The following SLC41A1 variants were observed in gnomAD, a reference collection of about 807,000 sequenced individuals.
SLC41A1 encodes the protein solute carrier family 41 (magnesium transporter), member 1.
In SLC41A1, 20 loss-of-function variants were observed where a neutral mutation model predicts 47.3. The ratio of observed to expected loss-of-function variants is 0.42; its 90% confidence interval spans 0.30 to 0.61. The LOEUF is 0.61. SLC41A1 is among the 20% of genes least tolerant of loss of function. SLC41A1 has a pLI of 0.17. For missense variants in SLC41A1, 504 were observed against 674.1 expected, an observed-to-expected ratio of 0.75 and a Z score of 2.79; for synonymous variants, 282 against 272.7, an observed-to-expected ratio of 1.03 and a Z score of -0.34.
chr1:205,812,869 G>A lies in SLC41A1; in HGVS notation c.-708C>T. ...AGTGGCAGCGTGGCCCGTGGTCTCG[G>A]GGGGTGCAGGGCACCCCCTCTTCTC... On this transcript the variant is annotated 5_prime_UTR_variant, in exon 1 of 11. Coordinates refer to ENST00000367137, the MANE Select transcript of SLC41A1 (RefSeq NM_173854.6). 1.7e-5 allele frequency: 17 copies of A among 985,466 alleles called. No homozygotes were observed. The highest frequency in any genetic ancestry group is 2.0e-5 in the Non-Finnish European group (17 of 829,988). 61.0% of individuals were successfully genotyped at this position (985,466 alleles called of 1,614,324 possible). A position where few individuals can be genotyped will look rare whatever the true frequency, so the allele number is the denominator to read the frequency against.
intron 3 of SLC41A1, among the ~76,000 whole-genome samples, chr1:205,800,408 T>C (rs1655852043): frequency 6.6e-6 from 1 of 152,170 alleles, no homozygotes; most frequent in Non-Finnish European, 1.5e-5. Context: ...CAGGGCCCTG[T>C]ATCTGTTCAG....
At chr1:205,801,203 C>A in intron 2 of SLC41A1, 143 bp from the exon 3 acceptor site, 1 of 681,676 alleles carries the variant, frequency 1.5e-6, no homozygotes, top group South Asian at 1.6e-5. Flanking sequence ...CCTCCAAGAA[C>A]CTTGGAACCA....
rs138084368 is a variant in SLC41A1 at position 205,810,172 on chromosome 1, C to A, written c.270G>T (p.Pro90=). Residue 90 remains proline, a synonymous_variant, in exon 2 of 11, where the codon CCG becomes CCT. Transcript: ENST00000367137. This position sits in a 1 kb window ranked among gnomAD's most constrained non-coding sequence, Gnocchi z 5.5. ...CGATGGAAAAGGAGGTCTCCTTGAG[C>A]GGGGAAGGTGGCGCAGGGCCACGGT... The part of the protein sequence containing the change: ...STDRGPAPPS[P]LKETSFSIGL... 11 of 1,614,092 alleles carry A rather than the reference C, an allele frequency of 6.8e-6. No homozygotes were observed. The Admixed American group carries it at 1.7e-4, about 24-fold the overall frequency.
intron 2 of SLC41A1, among the ~76,000 whole-genome samples, chr1:205,808,202 C>T (rs1656060426): frequency 6.6e-6 from 1 of 152,126 alleles, no homozygotes; most frequent in Non-Finnish European, 1.5e-5. Flanking sequence ...GTGATCCGCC[C>T]GTCTTGACCT....
rs972413684 is a variant in SLC41A1 at position 205,810,790 on chromosome 1, G to A, written c.-349C>T. On this transcript the variant is annotated 5_prime_UTR_variant, in exon 2 of 11. Coordinates refer to ENST00000367137, the MANE Select transcript of SLC41A1 (RefSeq NM_173854.6). This position sits in a 1 kb window ranked among gnomAD's most constrained non-coding sequence, Gnocchi z 5.5. The stretch of plus-strand genomic sequence containing the variant: ...AGTGGCAGGCTCCTCAGAGCAGGGG[G>A]CATCCAGAGTAGAAGAGCTCAACCA... 3.4e-5 allele frequency: 12 copies of A among 350,514 alleles called. No homozygotes were observed. Among genetic ancestry groups the A allele is most frequent in the African/African-American group, 2.3e-4 (11 of 47,434 alleles). The allele number at this position is 350,514 out of a possible 1,614,324, so 21.7% of individuals were successfully genotyped here. A position where few individuals can be genotyped will look rare whatever the true frequency, so the allele number is the denominator to read the frequency against.
rs1406994133 is a variant in SLC41A1, at chr1:205,798,967, G to C, written c.687C>G (p.Ser229=). 1.9e-6 allele frequency: 3 copies of C among 1,614,144 alleles called. No individual in the cohort carries two copies. Among genetic ancestry groups the C allele is most frequent in the Non-Finnish European group, 2.5e-6 (3 of 1,180,024 alleles). Residue 229 remains serine, a synonymous_variant, in exon 5 of 11, where the codon TCC becomes TCG. Coordinates refer to ENST00000367137, the MANE Select transcript of SLC41A1 (RefSeq NM_173854.6). ...ASSVATAFIA[S]LVLGMIMIGV... ...CCCTCCCTTTCTTACCCAGTACCAG[G>C]GAGGCAATGAAGGCTGTGGCCACGC... is the stretch of plus-strand genomic sequence containing the variant.
rs1387556647 is a variant in SLC41A1, at chr1:205,810,991, T to C, written c.-550A>G. Reference sequence around the variant, plus strand: ...TGGTCCCAGCGCAGCGTCTGCCGTCTTTCCCTTCTCTTCCAGAAACTTCCT... The same window carrying C: ...TGGTCCCAGCGCAGCGTCTGCCGTCCTTCCCTTCTCTTCCAGAAACTTCCT... On this transcript the variant is annotated 5_prime_UTR_variant, in exon 2 of 11. Coordinates refer to ENST00000367137, the MANE Select transcript of SLC41A1 (RefSeq NM_173854.6). The surrounding 1 kb of genome is among the most constrained non-coding windows in gnomAD (Gnocchi z 5.5). The C allele has an allele frequency of 6.2e-6, 1 of 160,546 alleles. No homozygotes were observed. The highest frequency in any genetic ancestry group is 1.4e-5 in the Non-Finnish European group (1 of 72,890). 9.9% of individuals were successfully genotyped at this position (160,546 alleles called of 1,614,324 possible). A position where few individuals can be genotyped will look rare whatever the true frequency, so the allele number is the denominator to read the frequency against.
At chr1:205,795,893 T>C (rs930724425) in intron 8 of SLC41A1, 2 of 324,498 alleles carry the variant, frequency 6.2e-6, no homozygotes, top group Non-Finnish European at 1.2e-5. Context: ...TCCTCTCCAA[T>C]GCTCTGAGCA....
In SLC41A1 at chr1:205,795,408, G is replaced by C. The variant is rs780662255; in HGVS notation, c.1143C>G (p.Pro381=). Residue 381 remains proline, a synonymous_variant, in exon 9 of 11, where the codon CCC becomes CCG. Transcript: ENST00000367137. ...ISTFLHMNGM[P]GENSEQAPRR... ...GAGGAGCTTGCTCAGAGTTCTCTCCGGGCATTCCATTCATGTGCAGGAAGG... is the reference window on the plus strand; with the variant it reads ...GAGGAGCTTGCTCAGAGTTCTCTCCCGGCATTCCATTCATGTGCAGGAAGG... 1 of 1,614,046 alleles carries C rather than the reference G, an allele frequency of 6.2e-7. No homozygotes were observed. The highest frequency in any genetic ancestry group is 1.3e-5 in the African/African-American group (1 of 74,902).
intron 4 of SLC41A1, 71 bp from the exon 5 acceptor site, chr1:205,799,172 T>C (rs1655815182): frequency 1.9e-6 from 3 of 1,600,130 alleles, no homozygotes; most frequent in South Asian, 2.2e-5. Flanking sequence ...CATAAGCATC[T>C]GGGCAGACCT....
At chr1:205,798,850 G>A (rs1252176018) in intron 5 of SLC41A1, 35 bp from the exon 6 acceptor site, 4 of 1,614,086 alleles carry the variant, frequency 2.5e-6, no homozygotes, top group Non-Finnish European at 3.4e-6. Context: ...CAGGCAGGGT[G>A]AGAAGAGATA....
In SLC41A1 at chr1:205,801,360, G is replaced by C. The variant is rs1230940887; in HGVS notation, c.373-300C>G. Reference sequence around the variant, plus strand: ...TGGAGGTGGGTGGGGAAGGGTAATGGGGACCCACACAGCTGAGCTGCCCTG... The same window carrying C: ...TGGAGGTGGGTGGGGAAGGGTAATGCGGACCCACACAGCTGAGCTGCCCTG... On this transcript the variant is annotated intron_variant, in intron 2 of 10. Coordinates refer to ENST00000367137, the MANE Select transcript of SLC41A1 (RefSeq NM_173854.6). The C allele has an allele frequency of 1.0e-5, 4 of 388,812 alleles. No individual in the cohort carries two copies. The Admixed American group carries it at 1.5e-4, about 14-fold the overall frequency. The allele number at this position is 388,812 out of a possible 1,614,324, so 24.1% of individuals were successfully genotyped here. A position where few individuals can be genotyped will look rare whatever the true frequency, so the allele number is the denominator to read the frequency against.
At chr1:205,809,950 ACAGTATTCTAGGAAG>A (rs1407155277) in intron 2 of SLC41A1, 105 bp downstream of exon 2, 2 of 1,427,618 alleles carry the variant, frequency 1.4e-6, no homozygotes, top group African/African-American at 2.8e-5. Context: ...CCAAAGGAAA[ACAGTATTCTAGGAAG>A]CAGCAGCCAC....
intron 2 of SLC41A1, among the ~76,000 whole-genome samples, chr1:205,808,030 A>G (rs867878525): frequency 2.1e-4 from 32 of 150,854 alleles, no homozygotes; most frequent in Admixed American, 7.3e-4. Context: ...ATCTTGGCTC[A>G]TTGCAGCCTC....
Position 205,791,406 on chromosome 1 carries a change from G to A in SLC41A1, c.*127C>T, listed in dbSNP as rs1258598082. The A allele has an allele frequency of 2.6e-6, 3 of 1,169,160 alleles. No homozygotes were observed. Among genetic ancestry groups the A allele is most frequent in the Non-Finnish European group, 3.7e-6 (3 of 801,654 alleles). The allele number at this position is 1,169,160 out of a possible 1,614,324, so 72.4% of individuals were successfully genotyped here. On this transcript the variant is annotated 3_prime_UTR_variant, in exon 11 of 11. Transcript: ENST00000367137. The surrounding 1 kb of genome is among the most constrained non-coding windows in gnomAD (Gnocchi z 4.0). Reference sequence around the variant, plus strand: ...TATAAAAATTCCCATTGAAAATAATGAGAATTTGGTATCAAAGTGAAGTCC... The same window carrying A: ...TATAAAAATTCCCATTGAAAATAATAAGAATTTGGTATCAAAGTGAAGTCC...
Position 205,810,690 on chromosome 1 carries a change from G to A in SLC41A1, c.-249C>T. The stretch of plus-strand genomic sequence containing the variant: ...TCCTCACCAGACAGCCACTAGGGGT[G>A]CAGATGCCTGACTCCAACCCACCAG... On this transcript the variant is annotated 5_prime_UTR_variant, in exon 2 of 11. Coordinates refer to ENST00000367137, the MANE Select transcript of SLC41A1 (RefSeq NM_173854.6). This position sits in a 1 kb window ranked among gnomAD's most constrained non-coding sequence, Gnocchi z 5.5. 1 of 567,056 alleles carries A rather than the reference G, an allele frequency of 1.8e-6. No homozygotes were observed. The highest frequency in any genetic ancestry group is 3.1e-5 in the East Asian group (1 of 32,378). 35.1% of individuals were successfully genotyped at this position (567,056 alleles called of 1,614,324 possible).
At position 205,791,163 on chromosome 1, in the gene SLC41A1, C is replaced by T. The variant is rs569934242; in HGVS notation, c.*370G>A. On this transcript the variant is annotated 3_prime_UTR_variant, in exon 11 of 11. Coordinates refer to ENST00000367137, the MANE Select transcript of SLC41A1 (RefSeq NM_173854.6). This position sits in a 1 kb window ranked among gnomAD's most constrained non-coding sequence, Gnocchi z 4.0. ...AGAAAACAAAACCAAAAATCCAGAG[C>T]CCACTTACAAAGGGTTTCTCATTAG... 1 of 285,276 alleles carries T rather than the reference C, an allele frequency of 3.5e-6. No individual in the cohort carries two copies. Among genetic ancestry groups the T allele is most frequent in the Admixed American group, 4.8e-5 (1 of 20,700 alleles). 17.7% of individuals were successfully genotyped at this position (285,276 alleles called of 1,614,324 possible). A position where few individuals can be genotyped will look rare whatever the true frequency, so the allele number is the denominator to read the frequency against.
chr1:205,805,423 A>C (rs1186418005), intron 2 of SLC41A1, among the ~76,000 whole-genome samples: 1 of 152,152 alleles, frequency 6.6e-6, no homozygotes, highest in Non-Finnish European at 1.5e-5. Context: ...GCAGGGGCAG[A>C]CAGTGAGTAG....
chr1:205,812,528 G>A (rs1038332652), intron 1 of SLC41A1, among the ~76,000 whole-genome samples: 5 of 152,210 alleles, frequency 3.3e-5, no homozygotes, highest in Non-Finnish European at 2.9e-5. Flanking sequence ...CTCCCAGGAG[G>A]GGAAGCCAGT....
Sources: gnomAD v4.1 joint callset for allele counts (sites outside exome capture counted in the v4.1 genomes callset) on GRCh38, gnomAD v4.1.1 for gene constraint, Gnocchi (gnomAD v3.1) non-coding constraint, MANE v1.5 for transcripts, NCBI Gene and HGNC (gene_info 2026-07-23, HGNC 2026-07-21) for gene names.